The following DCC variants were observed in gnomAD, a reference collection of about 807,000 sequenced individuals.
The protein encoded by DCC is DCC netrin 1 receptor.
In DCC, 58 loss-of-function variants were observed where a neutral mutation model predicts 172.5. The ratio of observed to expected loss-of-function variants is 0.34; its 90% CI spans 0.27 to 0.42. The LOEUF (loss-of-function observed/expected upper bound fraction) is 0.42, where lower values mean the gene tolerates loss of function less well. Among genes scored for constraint, DCC ranks in the 10% least tolerant of loss-of-function variants. The pLI is 1.00. For synonymous variants in DCC, 709 were observed against 644.5 expected, an observed-to-expected ratio of 1.10 and a Z score of -1.52; for missense variants, 1,740 against 1,791.0, an observed-to-expected ratio of 0.97 and a Z score of 0.51.
intron 1 of DCC, among the ~76,000 whole-genome samples, chr18:52,523,521 A>T (rs2031886307): frequency 6.6e-6 from 1 of 152,234 alleles, no homozygotes; most frequent in African/African-American, 2.4e-5. Context: ...ATATAGAAAC[A>T]TAAAAAAGCA....
chr18:53,048,575 GTGTA>G (rs746664762), intron 5 of DCC, among the ~76,000 whole-genome samples: 1 of 148,422 alleles, frequency 6.7e-6, no homozygotes, highest in African/African-American at 2.5e-5. Flanking sequence ...ATGTATGTGT[GTGTA>G]TATATATACG....
chr18:53,105,027 T>C (rs965578119), intron 7 of DCC, among the ~76,000 whole-genome samples: 1 of 152,016 alleles, frequency 6.6e-6, no homozygotes, highest in African/African-American at 2.4e-5. Context: ...ATTTAATGGG[T>C]TGGCAATCAT....
rs145243131 is a variant in DCC, at chr18:53,093,288, A to G, written c.1261+27122A>G. On this transcript the variant is annotated intron_variant, in intron 7 of 28. Coordinates refer to ENST00000442544, the MANE Select transcript of DCC (RefSeq NM_005215.4). Reference sequence around the variant, plus strand: ...CGAGACTCTGTCTCAAAAAACTAATATTAATATAAAATAAATAATAAAATG... The same window carrying G: ...CGAGACTCTGTCTCAAAAAACTAATGTTAATATAAAATAAATAATAAAATG... Among the ~76,000 whole-genome samples, 841 of 152,294 alleles carry G rather than the reference A, an allele frequency of 5.5e-3. 4 individuals carry two copies. Among genetic ancestry groups the G allele is most frequent in the Middle Eastern group, 0.041 (12 of 294 alleles).
At chr18:53,502,325 TC>T (rs1298433320) in intron 27 of DCC, among the ~76,000 whole-genome samples, 1 of 152,230 alleles carries the variant, frequency 6.6e-6, no homozygotes, top group Non-Finnish European at 1.5e-5. Context: ...CTTATTGTCT[TC>T]CTATGATTCC....
intron 1 of DCC, among the ~76,000 whole-genome samples, chr18:52,716,709 G>T (rs548943126): frequency 6.6e-6 from 1 of 152,154 alleles, no homozygotes; most frequent in African/African-American, 2.4e-5. Context: ...AGCATCTTCC[G>T]TTTAACTCCA....
At chr18:52,900,876 G>A (rs2039799701) in intron 2 of DCC, among the ~76,000 whole-genome samples, 1 of 152,128 alleles carries the variant, frequency 6.6e-6, no homozygotes, top group Non-Finnish European at 1.5e-5. Flanking sequence ...AACAATGTAA[G>A]CCCTGCAAAA....
chr18:52,961,927 C>A (rs1486898925), intron 5 of DCC, among the ~76,000 whole-genome samples: 1 of 152,144 alleles, frequency 6.6e-6, no homozygotes, highest in Non-Finnish European at 1.5e-5. Context: ...GAAACTGGAT[C>A]CCTTCCTTAC....
intron 5 of DCC, among the ~76,000 whole-genome samples, chr18:52,992,830 C>T (rs1238747881): frequency 6.6e-6 from 1 of 151,944 alleles, no homozygotes; most frequent in East Asian, 1.9e-4. Flanking sequence ...ACAAAATTAG[C>T]TGGGTGTGGT....
intron 2 of DCC, among the ~76,000 whole-genome samples, chr18:52,831,181 A>C (rs7241166): frequency 6.6e-6 from 1 of 152,034 alleles, no homozygotes; most frequent in Non-Finnish European, 1.5e-5. Flanking sequence ...AGGCATAAAC[A>C]TGACGGTCAT....
chr18:52,876,865 C>G (rs1250178073), intron 2 of DCC, among the ~76,000 whole-genome samples: 1 of 152,124 alleles, frequency 6.6e-6, no homozygotes, highest in African/African-American at 2.4e-5. Context: ...CTAAAATAAC[C>G]ACCTGCCAGT....
At chr18:52,837,973 G>T (rs561340385) in intron 2 of DCC, among the ~76,000 whole-genome samples, 1 of 152,240 alleles carries the variant, frequency 6.6e-6, no homozygotes, top group Admixed American at 6.5e-5. Flanking sequence ...GCCCAGTGAA[G>T]GGGGAAGCCC....
chr18:52,350,328 A>G (rs1032098817), intron 1 of DCC, among the ~76,000 whole-genome samples: 7 of 152,154 alleles, frequency 4.6e-5, no homozygotes, highest in African/African-American at 1.7e-4. Flanking sequence ...TGTTTATGTG[A>G]TGGATTACAT....
chr18:53,514,837 C>G (rs920622486), intron 27 of DCC, among the ~76,000 whole-genome samples: 3 of 151,870 alleles, frequency 2.0e-5, no homozygotes, highest in African/African-American at 7.3e-5. Flanking sequence ...AGTCCAGGAC[C>G]AGATGGATTC....
At chr18:52,770,050 C>A (rs1373478342) in intron 2 of DCC, among the ~76,000 whole-genome samples, 2 of 152,172 alleles carry the variant, frequency 1.3e-5, no homozygotes, top group Non-Finnish European at 2.9e-5. Flanking sequence ...TCTTTTAAAG[C>A]ATTTGAAGTT....
At chr18:52,525,008 G>A (rs1020414425) in intron 1 of DCC, among the ~76,000 whole-genome samples, 6 of 152,064 alleles carry the variant, frequency 3.9e-5, no homozygotes, top group Admixed American at 1.3e-4. Flanking sequence ...CTGAGATTTT[G>A]CTTCTTATCT....
At chr18:52,894,628 G>C (rs1165951052) in intron 2 of DCC, among the ~76,000 whole-genome samples, 1 of 151,832 alleles carries the variant, frequency 6.6e-6, no homozygotes, top group Non-Finnish European at 1.5e-5. Flanking sequence ...GCAAGCTGGA[G>C]ACCCAGGAGA....
At chr18:53,408,900 G>C (rs74836626) in intron 19 of DCC, among the ~76,000 whole-genome samples, 1 of 152,158 alleles carries the variant, frequency 6.6e-6, no homozygotes. Context: ...TTAATCCTAC[G>C]TAATCAGAAG....
At chr18:53,152,856 CTG>C (rs1410270557) in intron 7 of DCC, among the ~76,000 whole-genome samples, 1 of 133,500 alleles carries the variant, frequency 7.5e-6, no homozygotes, top group Non-Finnish European at 1.7e-5. Flanking sequence ...TTTGTTAAAA[CTG>C]TGTTCCTCCG....
chr18:52,756,479 T>C (rs555147659), intron 2 of DCC, among the ~76,000 whole-genome samples: 28 of 152,306 alleles, frequency 1.8e-4, no homozygotes, highest in African/African-American at 4.3e-4. Context: ...AACTCACCCA[T>C]ATATGTGCAT....
Sources: gnomAD v4.1 joint callset for allele counts (sites outside exome capture counted in the v4.1 genomes callset) on GRCh38, gnomAD v4.1.1 for gene constraint, MANE v1.5 for transcripts, NCBI Gene and HGNC (gene_info 2026-07-23, HGNC 2026-07-21) for gene names.